The following GET4 variants were observed in gnomAD, a reference collection of about 807,000 sequenced individuals.
The protein encoded by GET4 is Golgi to ER traffic protein 4 homolog.
A neutral mutation model predicts 40.0 loss-of-function variants in GET4; 20 were observed. That is an observed-to-expected ratio of 0.50 (90% confidence interval 0.35 to 0.73). The LOEUF is 0.73. Among genes scored for constraint, GET4 ranks in the 30% least tolerant of loss-of-function variants. The pLI, the probability that GET4 is intolerant of heterozygous loss-of-function variation, is 0.01. For synonymous variants in GET4, 280 were observed against 194.6 expected (o/e 1.44, Z -3.65); for missense variants, 557 against 454.0 (o/e 1.23, Z -2.06).
chr7:882,448 G>C (rs1013677739), intron 1 of GET4: 4 of 152,364 alleles, frequency 2.6e-5, no homozygotes, highest in African/African-American at 9.6e-5. Flanking sequence ...GGTTACGCTA[G>C]AGAGAAACTG....
chr7:894,320 C>T (rs1015112482), intron 8 of GET4, among the ~76,000 whole-genome samples: 19 of 152,168 alleles, frequency 1.2e-4, no homozygotes, highest in African/African-American at 1.9e-4. Context: ...TGCCAGCCGT[C>T]GTGCTGGGGC....
chr7:878,417 T>A (rs1585486683), intron 1 of GET4: 1 of 469,780 alleles, frequency 2.1e-6, no homozygotes, highest in East Asian at 7.0e-5. Flanking sequence ...GAATTGGGTC[T>A]GTTTTAAAGA....
rs6820 is a variant in GET4, at chr7:896,168, T to C, written c.*746T>C. On this transcript the variant is annotated 3_prime_UTR_variant, in exon 9 of 9. Coordinates refer to ENST00000265857, the MANE Select transcript of GET4 (RefSeq NM_015949.3). ...CGCAATATTTATTTGTATTGGGTGA[T>C]GATTGATTCTTTCGACCTAACATTT... 0.66 allele frequency: 100,155 copies of C among 152,102 alleles called. 34,522 individuals carry two copies. Among genetic ancestry groups the C allele is most frequent in the Middle Eastern group, 0.79 (232 of 294 alleles). The allele number at this position is 152,102 out of a possible 1,614,324, so 9.4% of individuals were successfully genotyped here.
At chr7:891,769 A>C (rs1844327643) in intron 5 of GET4, among the ~76,000 whole-genome samples, 2 of 152,256 alleles carry the variant, frequency 1.3e-5, no homozygotes, top group South Asian at 4.1e-4. Flanking sequence ...GGCGTCCGTG[A>C]CTTAAGTGAA....
intron 1 of GET4, chr7:884,324 T>TG: frequency 2.3e-6 from 3 of 1,304,054 alleles, no homozygotes; most frequent in Non-Finnish European, 3.0e-6. Context: ...GTCATGTCCC[T>TG]GCAGGACTGG....
chr7:895,453 C>G lies in GET4; in HGVS notation c.*31C>G, dbSNP rs749611005. On this transcript the variant is annotated 3_prime_UTR_variant, in exon 9 of 9. Coordinates refer to ENST00000265857, the MANE Select transcript of GET4 (RefSeq NM_015949.3). ...CCAGGCCACGTGGAGACACCACGGT[C>G]GACGACGGCTGGAGGGACGTTTCAG... is the stretch of plus-strand genomic sequence containing the variant. 4.2e-6 allele frequency: 5 copies of G among 1,188,840 alleles called. No homozygotes were observed. The highest frequency in any genetic ancestry group is 3.8e-5 in the South Asian group (3 of 79,488). 73.6% of individuals were successfully genotyped at this position (1,188,840 alleles called of 1,614,324 possible).
rs1378476809 is a variant in GET4, at chr7:886,571, A to G, written c.237A>G (p.Gln79=). 6.2e-7 allele frequency: 1 copy of G among 1,610,820 alleles called. No homozygotes were observed. The highest frequency in any genetic ancestry group is 2.2e-5 in the East Asian group (1 of 44,862). The change falls in exon 3 of 9, where the codon CAA becomes CAG. Residue 79 remains glutamine, a splice_region_variant and synonymous_variant. Coordinates refer to ENST00000265857, the MANE Select transcript of GET4 (RefSeq NM_015949.3). ...TTGTGTGTTGCTTTCTCTTGTAGCA[A>G]AACAGTGCAGCAGACTTGTCCATGC... ...GALLFFSHGQ[Q]NSAADLSMLV...
chr7:892,258 C>T lies in GET4; in HGVS notation c.606-20C>T, dbSNP rs2128629310. 6.3e-7 allele frequency: 1 copy of T among 1,583,914 alleles called. No individual in the cohort carries two copies. The highest frequency in any genetic ancestry group is 8.7e-7 in the Non-Finnish European group (1 of 1,154,826). ...CTGTGTCCTCCAGCCCTTCCACCAC[C>T]AGCATGTTCTCATTTCCAGGTTTCT... On this transcript the variant is annotated intron_variant, in intron 5 of 8. Transcript: ENST00000265857.
chr7:886,445 G>C, intron 2 of GET4, 124 bp from the exon 3 acceptor site: 1 of 714,806 alleles, frequency 1.4e-6, no homozygotes, highest in Non-Finnish European at 2.5e-6. Flanking sequence ...GGGACGTGGT[G>C]CTCAGAAGAG....
intron 1 of GET4, chr7:878,367 C>T (rs1423149165): frequency 8.5e-6 from 4 of 470,970 alleles, no homozygotes; most frequent in African/African-American, 4.0e-5. Flanking sequence ...CAGATTATCT[C>T]TTATGGTTCA....
chr7:884,174 G>A (rs186633740), intron 1 of GET4: 2 of 1,296,072 alleles, frequency 1.5e-6, no homozygotes, highest in Admixed American at 4.6e-5. Context: ...CAAAGCAGAA[G>A]CTGGTGTGGT....
intron 8 of GET4, 119 bp downstream of exon 8, chr7:894,090 A>G (rs1030157989): frequency 9.9e-6 from 6 of 606,460 alleles, no homozygotes; most frequent in African/African-American, 1.9e-5. Flanking sequence ...GATCTTTTAA[A>G]TGTTTCTCAG....
chr7:887,525 C>T lies in GET4; in HGVS notation c.466+6C>T. On this transcript the variant is annotated splice_donor_region_variant and intron_variant, in intron 4 of 8. Coordinates refer to ENST00000265857, the MANE Select transcript of GET4 (RefSeq NM_015949.3). ...GGCCCTCACCCTGTGGAAAGGTAGG[C>T]CTGGGGCCAGGGCAGGCGTGGGCAC... 1 of 1,526,086 alleles carries T rather than the reference C, an allele frequency of 6.6e-7. No individual in the cohort carries two copies. Among genetic ancestry groups the T allele is most frequent in the Non-Finnish European group, 8.8e-7 (1 of 1,138,586 alleles). 94.5% of individuals were successfully genotyped at this position (1,526,086 alleles called of 1,614,324 possible).
In GET4 at chr7:886,660, C is replaced by A. The variant is rs62430799; in HGVS notation, c.316+10C>A. ...GCTGACGAGCTGCTGGGTGAGCATC[C>A]GGCCCTTCACCCCGGGACCCTGTGA... On this transcript the variant is annotated intron_variant, in intron 3 of 8. Transcript: ENST00000265857. 6.3e-7 allele frequency: 1 copy of A among 1,594,138 alleles called. No homozygotes were observed. Among genetic ancestry groups the A allele is most frequent in the Non-Finnish European group, 8.6e-7 (1 of 1,163,576 alleles).
chr7:878,116 C>T (rs1032814677), intron 1 of GET4: 50 of 362,432 alleles, frequency 1.4e-4, no homozygotes, highest in Non-Finnish European at 2.4e-4. Context: ...TCAGCCGCCT[C>T]TGGACCTAGG....
chr7:879,802 C>T (rs992292844), intron 1 of GET4: 6 of 152,238 alleles, frequency 3.9e-5, no homozygotes, highest in African/African-American at 9.6e-5. Flanking sequence ...TATAGCAATA[C>T]GTTTTTAATG....
chr7:894,331 A>G (rs1051338555), intron 8 of GET4, among the ~76,000 whole-genome samples: 7 of 152,238 alleles, frequency 4.6e-5, no homozygotes, highest in African/African-American at 1.7e-4. Flanking sequence ...GTGCTGGGGC[A>G]GGCAGTGCTG....
At chr7:876,976 G>C (rs1843967897) in intron 1 of GET4, among the ~76,000 whole-genome samples, 176 bp downstream of exon 1, 1 of 151,666 alleles carries the variant, frequency 6.6e-6, no homozygotes, top group South Asian at 2.1e-4. Flanking sequence ...CCGGGGTCTG[G>C]CCCTGTGTGG....
Position 886,141 on chromosome 7 carries a change from C to A in GET4, c.234+7C>A. The A allele has an allele frequency of 6.3e-7, 1 of 1,577,524 alleles. No individual in the cohort carries two copies. The highest frequency in any genetic ancestry group is 8.7e-7 in the Non-Finnish European group (1 of 1,147,584). ...CTTCTTCAGCCATGGCCAGGTAAGC[C>A]GTCTTGCTTCCTCCTGCATCCCTTT... On this transcript the variant is annotated splice_region_variant and intron_variant, in intron 2 of 8. Coordinates refer to ENST00000265857, the MANE Select transcript of GET4 (RefSeq NM_015949.3).
Sources: gnomAD v4.1 joint callset for allele counts (sites outside exome capture counted in the v4.1 genomes callset) on GRCh38, gnomAD v4.1.1 for gene constraint, MANE v1.5 for transcripts, NCBI Gene and HGNC (gene_info 2026-07-23, HGNC 2026-07-21) for gene names.